Variants in DMD observed in about 807,000 individuals in gnomAD.
DMD encodes dystrophin.
DMD carries 63 observed loss-of-function variants against 330.1 expected under a neutral mutation model. That is an observed-to-expected ratio of 0.19 (90% CI 0.16 to 0.24). DMD has a LOEUF of 0.24. DMD is among the 10% of genes least tolerant of loss of function. The pLI, the probability that DMD is intolerant of heterozygous loss-of-function variation, is 1.00. For missense variants in DMD, 3,344 were observed against 2,684.1 expected (o/e 1.25, Z -5.43); for synonymous variants, 1,223 against 959.8 (o/e 1.27, Z -5.07).
At chrX:31,960,750 GA>G (rs2095295256) in intron 45 of DMD, among the ~76,000 whole-genome samples, 1 of 111,870 alleles carries the variant, frequency 8.9e-6, no homozygotes, top group Admixed American at 9.5e-5. Context: ...TAGCCAAGTT[GA>G]AAAAATAAAA....
intron 15 of DMD, among the ~76,000 whole-genome samples, chrX:32,570,384 A>G (rs1311601150): frequency 1.0e-5 from 1 of 98,549 alleles, no homozygotes; most frequent in Non-Finnish European, 2.0e-5. Context: ...GACAAGACCT[A>G]TAGAAAACAT....
At chrX:33,035,499 T>C (rs747516219) in intron 1 of DMD, among the ~76,000 whole-genome samples, 1 of 111,953 alleles carries the variant, frequency 8.9e-6, no homozygotes, top group African/African-American at 3.2e-5. Flanking sequence ...TGTCACCCAT[T>C]ATATTGCAAT....
intron 1 of DMD, among the ~76,000 whole-genome samples, chrX:33,336,147 C>T (rs948467328): frequency 9.1e-6 from 1 of 110,285 alleles, no homozygotes; most frequent in Non-Finnish European, 1.9e-5. Flanking sequence ...TAATTATGGA[C>T]TTTCCTTCCT....
intron 2 of DMD, among the ~76,000 whole-genome samples, chrX:32,850,550 T>C (rs1603448561): frequency 8.9e-6 from 1 of 112,148 alleles, no homozygotes; most frequent in East Asian, 2.8e-4. Context: ...AACCTCTAAG[T>C]ATCTCATGTA....
chrX:31,830,206 A>G (rs2092990707), intron 49 of DMD, among the ~76,000 whole-genome samples: 1 of 112,828 alleles, frequency 8.9e-6, no homozygotes, highest in Non-Finnish European at 1.9e-5. Context: ...CACTCGTGGC[A>G]GAGATCATTG....
intron 9 of DMD, among the ~76,000 whole-genome samples, chrX:32,694,199 A>T (rs1266919176): frequency 9.0e-6 from 1 of 110,993 alleles, no homozygotes; most frequent in Non-Finnish European, 1.9e-5. Context: ...CTCATCATAT[A>T]TACATCTAGA....
intron 59 of DMD, among the ~76,000 whole-genome samples, chrX:31,455,538 C>T (rs1174788226): frequency 2.7e-5 from 3 of 112,021 alleles, no homozygotes; most frequent in Non-Finnish European, 5.6e-5. Context: ...CAGACTGCTT[C>T]GTAAACAGTT....
chrX:32,644,960 T>C lies in DMD; in HGVS notation c.1149+4A>G. ...TTGTTTTGTAAATTAACGTTTTAGT[T>C]TACCTCATGAGTATGAAACTGGTCT... is the stretch of plus-strand genomic sequence containing the variant. On this transcript the variant is annotated splice_donor_region_variant and intron_variant, in intron 10 of 78. Coordinates refer to ENST00000357033, the MANE Select transcript of DMD (RefSeq NM_004006.3). 1.7e-6 allele frequency: 2 copies of C among 1,210,795 alleles called. No individual in the cohort carries two copies. The highest frequency in any genetic ancestry group is 1.1e-6 in the Non-Finnish European group (1 of 894,718).
At chrX:32,736,232 G>T (rs1474940694) in intron 7 of DMD, among the ~76,000 whole-genome samples, 1 of 111,652 alleles carries the variant, frequency 9.0e-6, no homozygotes, top group Non-Finnish European at 1.9e-5. Context: ...TCTCACACCA[G>T]TTAGAATGGC....
chrX:32,666,684 C>A (rs191693908), intron 9 of DMD, among the ~76,000 whole-genome samples: 97 of 109,942 alleles, frequency 8.8e-4, no homozygotes, highest in African/African-American at 3.2e-3. Flanking sequence ...CAAAAATTAG[C>A]CAGGCGTGGT....
intron 13 of DMD, among the ~76,000 whole-genome samples, chrX:32,588,812 G>A (rs2054568558): frequency 8.9e-6 from 1 of 112,032 alleles, no homozygotes; most frequent in Non-Finnish European, 1.9e-5. Flanking sequence ...GGCTCATAAG[G>A]GAAAGGACAG....
intron 26 of DMD, 147 bp from the exon 27 acceptor site, chrX:32,448,785 C>T: frequency 4.0e-6 from 2 of 502,686 alleles, no homozygotes; most frequent in Non-Finnish European, 6.2e-6. Context: ...CCAGTCTCTT[C>T]CATAAATTTA....
chrX:32,781,254 G>A (rs889574630), intron 7 of DMD, among the ~76,000 whole-genome samples: 58 of 111,466 alleles, frequency 5.2e-4, no homozygotes, highest in African/African-American at 1.6e-3. Context: ...ACAGCATTGT[G>A]ATAGGCCAGC....
chrX:32,780,299 C>T (rs2074592769), intron 7 of DMD, among the ~76,000 whole-genome samples: 1 of 111,987 alleles, frequency 8.9e-6, no homozygotes, highest in South Asian at 3.7e-4. Flanking sequence ...TTCTTATGCC[C>T]GACAGAACTA....
At chrX:31,511,668 T>A (rs1156688668) in intron 55 of DMD, among the ~76,000 whole-genome samples, 1 of 82,718 alleles carries the variant, frequency 1.2e-5, no homozygotes, top group Non-Finnish European at 2.3e-5. Flanking sequence ...GAACTCATCC[T>A]TTTTTTATGG....
intron 7 of DMD, among the ~76,000 whole-genome samples, chrX:32,732,912 A>C (rs1440169874): frequency 9.0e-6 from 1 of 111,157 alleles, no homozygotes; most frequent in African/African-American, 3.3e-5. Context: ...ACACATAACA[A>C]TATTAACCTT....
intron 60 of DMD, among the ~76,000 whole-genome samples, chrX:31,351,952 C>T (rs1436985488): frequency 9.1e-6 from 1 of 110,077 alleles, no homozygotes; most frequent in Non-Finnish European, 1.9e-5. Context: ...AAAAACTTGC[C>T]TAAGCTTCAG....
chrX:31,528,281 C>T (rs2073404096), intron 55 of DMD, among the ~76,000 whole-genome samples: 1 of 111,896 alleles, frequency 8.9e-6, no homozygotes, highest in South Asian at 3.7e-4. Flanking sequence ...CTCTTTTGTC[C>T]CTCATATCTA....
intron 60 of DMD, among the ~76,000 whole-genome samples, chrX:31,357,377 C>T (rs368771941): frequency 8.2e-5 from 8 of 97,943 alleles, no homozygotes; most frequent in African/African-American, 3.1e-4. Context: ...TGGTATTGTC[C>T]GAAAAAAAAA....
Sources: allele counts gnomAD v4.1 joint callset (sites outside exome capture counted in the v4.1 genomes callset), GRCh38; gene constraint gnomAD v4.1.1; transcripts MANE v1.5; gene names NCBI Gene and HGNC (gene_info 2026-07-23, HGNC 2026-07-21).